The following HSD17B4 variants were observed in gnomAD, a reference collection of about 807,000 sequenced individuals.
HSD17B4 encodes hydroxysteroid 17-beta dehydrogenase 4.
A neutral mutation model predicts 101.0 loss-of-function variants in HSD17B4; 70 were observed. The ratio of observed to expected loss-of-function variants is 0.69; its 90% confidence interval spans 0.57 to 0.85. HSD17B4 has a LOEUF of 0.85. Among genes scored for constraint, HSD17B4 ranks in the 40% least tolerant of loss-of-function variants. The probability of loss-of-function intolerance (pLI) is 0.00; values close to 1 mark genes in which losing one functional copy is unlikely to be tolerated. For synonymous variants in HSD17B4, 347 were observed against 297.1 expected, an observed-to-expected ratio of 1.17 and a Z score of -1.73; for missense variants, 984 against 892.4, an observed-to-expected ratio of 1.10 and a Z score of -1.31.
intron 12 of HSD17B4, among the ~76,000 whole-genome samples, chr5:119,497,899 T>C (rs982780885): frequency 2.0e-5 from 3 of 152,200 alleles, no homozygotes; most frequent in Non-Finnish European, 4.4e-5. Context: ...AATCCTACTT[T>C]AGTAACATTT....
rs2126610607 is a variant in HSD17B4 at position 119,456,373 on chromosome 5, G to A, written c.112+5G>A. 1 of 1,590,282 alleles carries A rather than the reference G, an allele frequency of 6.3e-7. No individual in the cohort carries two copies. The highest frequency in any genetic ancestry group is 1.1e-5 in the South Asian group (1 of 90,562). ...AAAGAGGAGCGTTAGTTGTTGGTAA[G>A]TTGGTGTGTTTTTCTTTTTAATCTG... On this transcript the variant is annotated splice_donor_5th_base_variant and intron_variant, in intron 2 of 23. Coordinates refer to ENST00000510025, the MANE Select transcript of HSD17B4 (RefSeq NM_000414.4).
In HSD17B4 at chr5:119,480,076, T is replaced by C. The variant is rs559855195; in HGVS notation, c.622+1055T>C. ...ATATCTTATTGTTTTAATTTGCACT[T>C]ACCTAGTGACATATGTTATTGAACA... On this transcript the variant is annotated intron_variant, in intron 8 of 23. Transcript: ENST00000510025. Among the ~76,000 whole-genome samples, 10 of 152,290 alleles carry C rather than the reference T, an allele frequency of 6.6e-5. No individual in the cohort carries two copies. The South Asian group carries it at 2.1e-3, about 32-fold the overall frequency.
intron 8 of HSD17B4, among the ~76,000 whole-genome samples, chr5:119,481,770 C>T (rs369445333): frequency 3.3e-5 from 5 of 152,092 alleles, no homozygotes; most frequent in African/African-American, 7.2e-5. Flanking sequence ...TTGTGAAAAA[C>T]GCAATATTTG....
At chr5:119,518,276 C>T (rs991493248) in intron 17 of HSD17B4, among the ~76,000 whole-genome samples, 1 of 151,880 alleles carries the variant, frequency 6.6e-6, no homozygotes, top group Non-Finnish European at 1.5e-5. Context: ...TAACACTCAC[C>T]GCGAAGGTCT....
intron 2 of HSD17B4, 158 bp downstream of exon 2, chr5:119,456,526 G>C (rs1207803272): frequency 3.2e-6 from 2 of 633,310 alleles, no homozygotes; most frequent in African/African-American, 3.7e-5. Flanking sequence ...AAGGCTGTCT[G>C]TCTAAATTAC....
In HSD17B4 at chr5:119,477,602, A is replaced by T. The variant is rs1172802648; in HGVS notation, c.434+101A>T. On this transcript the variant is annotated intron_variant, in intron 7 of 23. Coordinates refer to ENST00000510025, the MANE Select transcript of HSD17B4 (RefSeq NM_000414.4). ...GTGAAGTGTTGTGAAATGATTTATG[A>T]CATTGAGGAATATGTACAACCTTTT... is the stretch of plus-strand genomic sequence containing the variant. The T allele has an allele frequency of 6.1e-5, 52 of 846,002 alleles. 1 individual carries two copies. In the South Asian group the frequency reaches 6.9e-4, roughly 11 times the overall value. The allele number at this position is 846,002 out of a possible 1,614,324, so 52.4% of individuals were successfully genotyped here. A position where few individuals can be genotyped will look rare whatever the true frequency, so the allele number is the denominator to read the frequency against.
At chr5:119,521,866 A>AG (rs906912308) in intron 17 of HSD17B4, among the ~76,000 whole-genome samples, 13 of 146,744 alleles carry the variant, frequency 8.9e-5, no homozygotes, top group African/African-American at 3.0e-4. Flanking sequence ...GTTTATTTGG[A>AG]GGGGGGGTGG....
At chr5:119,526,261 T>C (rs943274747) in intron 19 of HSD17B4, among the ~76,000 whole-genome samples, 2 of 148,454 alleles carry the variant, frequency 1.3e-5, no homozygotes, top group African/African-American at 5.0e-5. Flanking sequence ...GGTTGCTTTA[T>C]AAATTAATTA....
intron 4 of HSD17B4, 138 bp from the exon 5 acceptor site, chr5:119,475,568 T>C: frequency 1.5e-6 from 1 of 688,934 alleles, no homozygotes; most frequent in Non-Finnish European, 2.5e-6. Context: ...TAGACTTTTG[T>C]TTTGAAAGCA....
In HSD17B4 at chr5:119,503,104, GTGTGTGTGTGTA is replaced by G. The variant is rs1751330878; in HGVS notation, c.1261+1019_1261+1030del. ...TGTGTGTGTGTGTGTGTGTGTGTGT[GTGTGTGTGTGTA>G]TGTGTGCATGTATGTATGTGGTGGG... On this transcript the variant is annotated intron_variant, in intron 14 of 23. Coordinates refer to ENST00000510025, the MANE Select transcript of HSD17B4 (RefSeq NM_000414.4). 2.6e-5 allele frequency among the ~76,000 whole-genome samples: 4 copies of G among 151,676 alleles called. No homozygotes were observed. In the South Asian group the frequency reaches 8.4e-4, roughly 32 times the overall value.
chr5:119,473,680 C>T (rs1018350946), intron 2 of HSD17B4, among the ~76,000 whole-genome samples: 3 of 151,986 alleles, frequency 2.0e-5, no homozygotes, highest in Non-Finnish European at 2.9e-5. Context: ...ATGAGAACAA[C>T]CTGTATTTAA....
chr5:119,512,196 A>G (rs1752238398), intron 16 of HSD17B4, among the ~76,000 whole-genome samples: 1 of 152,194 alleles, frequency 6.6e-6, no homozygotes, highest in Non-Finnish European at 1.5e-5. Context: ...AAAAGGAAAA[A>G]GAATGAAGAG....
At chr5:119,494,324 CT>C (rs1398860137) in intron 11 of HSD17B4, among the ~76,000 whole-genome samples, 3 of 116,706 alleles carry the variant, frequency 2.6e-5, no homozygotes, top group African/African-American at 6.1e-5. Context: ...TTCTTTCTTT[CT>C]TTTCTTTCTT....
chr5:119,507,764 A>C (rs1320003490), intron 15 of HSD17B4, among the ~76,000 whole-genome samples: 1 of 151,056 alleles, frequency 6.6e-6, no homozygotes, highest in Admixed American at 6.6e-5. Flanking sequence ...AGCCTGGGTG[A>C]CTGAGCAAGA....
chr5:119,521,835 T>A (rs1561482557), intron 17 of HSD17B4, among the ~76,000 whole-genome samples: 1 of 151,980 alleles, frequency 6.6e-6, no homozygotes, highest in Non-Finnish European at 1.5e-5. Context: ...TTTGTTACAG[T>A]TTTCTTCTGT....
At chr5:119,482,328 T>G (rs1749214805) in intron 8 of HSD17B4, among the ~76,000 whole-genome samples, 1 of 152,148 alleles carries the variant, frequency 6.6e-6, no homozygotes, top group South Asian at 2.1e-4. Flanking sequence ...GTTTTATCTC[T>G]CTGCTTAAAG....
At chr5:119,473,579 T>G (rs1482569930) in intron 2 of HSD17B4, among the ~76,000 whole-genome samples, 2 of 152,132 alleles carry the variant, frequency 1.3e-5, no homozygotes, top group Non-Finnish European at 2.9e-5. Flanking sequence ...CACCTTAGCC[T>G]CTCAAAGTGG....
chr5:119,524,641 AT>A lies in HSD17B4; in HGVS notation c.1504-574del, dbSNP rs542483094. 1.2e-4 allele frequency among the ~76,000 whole-genome samples: 18 copies of A among 152,270 alleles called. 1 individual carries two copies. Among genetic ancestry groups the A allele is most frequent in the Admixed American group, 9.2e-4 (14 of 15,280 alleles). On this transcript the variant is annotated intron_variant, in intron 17 of 23. Transcript: ENST00000510025. ...CAGGCCACGCTGCTAATCCTACTTT[AT>A]CTAAGTAAACTAGTGATGTGGAAAT... is the stretch of plus-strand genomic sequence containing the variant.
Position 119,452,605 on chromosome 5 carries a change from G to A in HSD17B4, c.30G>A (p.Arg10=), listed in dbSNP as rs1470400098. 2 of 1,613,904 alleles carry A rather than the reference G, an allele frequency of 1.2e-6. No homozygotes were observed. The highest frequency in any genetic ancestry group is 2.7e-5 in the African/African-American group (2 of 74,930). The change falls in exon 1 of 24, where the codon CGG becomes CGA. Residue 10 remains arginine, a synonymous_variant. Transcript: ENST00000510025. MGSPLRFDG[R]VVLVTGAGAG... is the part of the protein sequence containing the mutation. ...GCTCACCGCTGAGGTTCGACGGGCG[G>A]GTGGTACTGGTCACCGGCGCGGGGG...
Sources: gnomAD v4.1 joint callset for allele counts (sites outside exome capture counted in the v4.1 genomes callset) on GRCh38, gnomAD v4.1.1 for gene constraint, MANE v1.5 for transcripts, NCBI Gene and HGNC (gene_info 2026-07-23, HGNC 2026-07-21) for gene names.